PARM1: variants seen among roughly 807,000 people sequenced by gnomAD.
PARM1 encodes prostate androgen-regulated mucin-like protein 1.
Under a neutral mutation model 24.6 loss-of-function variants are expected in PARM1, and 14 were observed. That is an observed-to-expected ratio of 0.57 (90% CI 0.38 to 0.89). The LOEUF is 0.89. Ranked by LOEUF, PARM1 falls within the 40% of genes least tolerant of loss-of-function variation. PARM1 has a pLI of 0.00. For missense variants in PARM1, 362 were observed against 380.4 expected (o/e 0.95, Z 0.40); for synonymous variants, 179 against 156.6 (o/e 1.14, Z -1.07).
At chr4:75,012,203 T>C (rs1722883278) in intron 1 of PARM1, among the ~76,000 whole-genome samples, 1 of 152,192 alleles carries the variant, frequency 6.6e-6, no homozygotes, top group Non-Finnish European at 1.5e-5. Context: ...GTCCTACTAA[T>C]TGTTCTTACT....
chr4:74,955,413 A>G (rs1239077107), intron 1 of PARM1, among the ~76,000 whole-genome samples: 1 of 152,218 alleles, frequency 6.6e-6, no homozygotes, highest in Non-Finnish European at 1.5e-5. Context: ...TAAATGAACC[A>G]CAAATGAGCA....
chr4:75,005,129 G>A (rs763725332), intron 1 of PARM1, among the ~76,000 whole-genome samples: 18 of 152,158 alleles, frequency 1.2e-4, no homozygotes, highest in African/African-American at 3.9e-4. Flanking sequence ...AGCAGTTCAC[G>A]ATGGTGGCCG....
chr4:75,012,456 T>A lies in PARM1; in HGVS notation c.75T>A (p.Ala25=). The A allele has an allele frequency of 1.2e-6, 2 of 1,613,858 alleles. No homozygotes were observed. Among genetic ancestry groups the A allele is most frequent in the Non-Finnish European group, 1.7e-6 (2 of 1,179,854 alleles). ...GWRVQSLPTS[A]PLSVSLPTNI... is the part of the protein sequence containing the mutation. ...GGGTACAGAGTCTGCCTACATCAGCTCCTTTGTCTGTTTCTCTTCCGACAA... is the reference window on the plus strand; with the variant it reads ...GGGTACAGAGTCTGCCTACATCAGCACCTTTGTCTGTTTCTCTTCCGACAA... The change falls in exon 2 of 4, where the codon GCT becomes GCA. Residue 25 remains alanine (A), a synonymous_variant. Transcript: ENST00000307428.
At chr4:74,990,350 A>G (rs1243976361) in intron 1 of PARM1, among the ~76,000 whole-genome samples, 4 of 152,182 alleles carry the variant, frequency 2.6e-5, no homozygotes, top group Admixed American at 2.6e-4. Context: ...CCTATTAGAT[A>G]GTAATCTCAT....
chr4:75,047,237 T>C lies in PARM1; in HGVS notation c.*990T>C, dbSNP rs1019958003. The C allele has an allele frequency of 6.6e-6, 1 of 152,228 alleles. No individual in the cohort carries two copies. The highest frequency in any genetic ancestry group is 2.4e-5 in the African/African-American group (1 of 41,448). 9.4% of individuals were successfully genotyped at this position (152,228 alleles called of 1,614,324 possible). On this transcript the variant is annotated 3_prime_UTR_variant, in exon 4 of 4. Coordinates refer to ENST00000307428, the MANE Select transcript of PARM1 (RefSeq NM_015393.4). The stretch of plus-strand genomic sequence containing the variant: ...TATACCCACACAGCAACTGGTCCAC[T>C]GCTTTACTGTCTGTTGGATAATGGC...
At chr4:75,028,156 G>T (rs1340060324) in intron 2 of PARM1, among the ~76,000 whole-genome samples, 1 of 152,226 alleles carries the variant, frequency 6.6e-6, no homozygotes, top group Non-Finnish European at 1.5e-5. Context: ...TAAGTAACAG[G>T]AAAGTGTTAG....
chr4:74,952,467 C>G (rs1384385056), intron 1 of PARM1, among the ~76,000 whole-genome samples: 1 of 152,128 alleles, frequency 6.6e-6, no homozygotes, highest in East Asian at 1.9e-4. Flanking sequence ...TCAATTTTGG[C>G]TTTTGTTGCC....
chr4:75,031,856 A>T (rs557173001), intron 2 of PARM1, among the ~76,000 whole-genome samples: 12 of 152,266 alleles, frequency 7.9e-5, no homozygotes, highest in African/African-American at 2.9e-4. Context: ...TACTCCCATC[A>T]CCTTACCCTA....
chr4:74,981,868 G>T (rs1205725350), intron 1 of PARM1, among the ~76,000 whole-genome samples: 1 of 121,464 alleles, frequency 8.2e-6, no homozygotes, highest in Non-Finnish European at 1.6e-5. Flanking sequence ...GATAAAGTGA[G>T]ACTCAATCTC....
At chr4:74,997,886 A>G (rs1427614206) in intron 1 of PARM1, 1 of 152,240 alleles carries the variant, frequency 6.6e-6, no homozygotes, top group Middle Eastern at 3.2e-3. Context: ...AGCGACGCAT[A>G]TAGATTTATT....
Position 74,973,640 on chromosome 4 carries a change from C to T in PARM1, c.44-38785C>T, listed in dbSNP as rs192608918. Among the ~76,000 whole-genome samples the T allele has an allele frequency of 1.4e-4, 21 of 152,146 alleles. No individual in the cohort carries two copies. The East Asian group carries it at 2.1e-3, about 15-fold the overall frequency. The stretch of plus-strand genomic sequence containing the variant: ...TATCCTTCCCAGGACCCTCTTGCAG[C>T]GGCACAAGCCTAAAGATGGCCATAA... On this transcript the variant is annotated intron_variant, in intron 1 of 3. Transcript: ENST00000307428.
At chr4:74,939,995 T>A (rs1447937203) in intron 1 of PARM1, among the ~76,000 whole-genome samples, 1 of 152,226 alleles carries the variant, frequency 6.6e-6, no homozygotes, top group Non-Finnish European at 1.5e-5. Flanking sequence ...TTAGTGCAGG[T>A]GTTAAACATG....
At chr4:74,968,018 C>A (rs1721941423) in intron 1 of PARM1, among the ~76,000 whole-genome samples, 2 of 152,182 alleles carry the variant, frequency 1.3e-5, no homozygotes, top group South Asian at 4.1e-4. Context: ...CTCCCCTTTT[C>A]ATTTTCCTTC....
chr4:75,036,218 C>T (rs1181364055), intron 3 of PARM1, among the ~76,000 whole-genome samples: 1 of 152,196 alleles, frequency 6.6e-6, no homozygotes, highest in African/African-American at 2.4e-5. Context: ...CTTCTTGCTA[C>T]ACACTTCCCC....
Position 74,968,643 on chromosome 4 carries a change from C to T in PARM1, c.43+35273C>T, listed in dbSNP as rs148960583. Among the ~76,000 whole-genome samples, 317 of 152,276 alleles carry T rather than the reference C, an allele frequency of 2.1e-3. 3 individuals carry two copies. Among genetic ancestry groups the T allele is most frequent in the Non-Finnish European group, 2.9e-3 (196 of 67,996 alleles). ...CTGCAGAGATAAGGCAGTTTGGGGT[C>T]AGTTGTCTATTGTGCTTTCTTTTGC... On this transcript the variant is annotated intron_variant, in intron 1 of 3. Transcript: ENST00000307428.
At chr4:74,977,810 A>G (rs1289012672) in intron 1 of PARM1, among the ~76,000 whole-genome samples, 1 of 152,304 alleles carries the variant, frequency 6.6e-6, no homozygotes, top group South Asian at 2.1e-4. Context: ...GGGGGCCAAC[A>G]TCAACATTCT....
At chr4:75,023,560 G>A (rs1723125565) in intron 2 of PARM1, among the ~76,000 whole-genome samples, 1 of 152,186 alleles carries the variant, frequency 6.6e-6, no homozygotes, top group Non-Finnish European at 1.5e-5. Context: ...TTCCCAAAGT[G>A]ATTATTACTG....
At position 74,991,118 on chromosome 4, in the gene PARM1, CT is replaced by C. The variant is rs760568747; in HGVS notation, c.44-21302del. 6.6e-5 allele frequency among the ~76,000 whole-genome samples: 10 copies of C among 152,068 alleles called. No homozygotes were observed. In the East Asian group the frequency reaches 1.3e-3, roughly 21 times the overall value. On this transcript the variant is annotated intron_variant, in intron 1 of 3. Transcript: ENST00000307428. ...ACATGGGTTCCGCCCTGCAGAAGCA[CT>C]TTTTCTTGAGCATAAAGGATATATA...
intron 2 of PARM1, among the ~76,000 whole-genome samples, chr4:75,021,748 A>T (rs1050648323): frequency 6.6e-6 from 1 of 152,140 alleles, no homozygotes; most frequent in Non-Finnish European, 1.5e-5. Flanking sequence ...GCTTAGGCTA[A>T]TGGCCTCCAG....
Sources: gnomAD v4.1 joint callset for allele counts (sites outside exome capture counted in the v4.1 genomes callset) on GRCh38, gnomAD v4.1.1 for gene constraint, MANE v1.5 for transcripts, NCBI Gene and HGNC (gene_info 2026-07-23, HGNC 2026-07-21) for gene names.